IFRD1: variants seen among roughly 807,000 people sequenced by gnomAD.
IFRD1 encodes the protein interferon-related developmental regulator 1.
A neutral mutation model predicts 52.9 loss-of-function variants in IFRD1; 35 were observed. The ratio of observed to expected loss-of-function variants is 0.66; its 90% confidence interval spans 0.51 to 0.88. The LOEUF (loss-of-function observed/expected upper bound fraction) is 0.88, where lower values mean the gene tolerates loss of function less well. Ranked by LOEUF, IFRD1 falls within the 40% of genes least tolerant of loss-of-function variation. The pLI, the probability that IFRD1 is intolerant of heterozygous loss-of-function variation, is 0.00. For synonymous variants in IFRD1, 184 were observed against 188.4 expected, an observed-to-expected ratio of 0.98 and a Z score of 0.19; for missense variants, 517 against 550.8, an observed-to-expected ratio of 0.94 and a Z score of 0.61.
chr7:112,461,079 C>A (rs1416343618), intron 5 of IFRD1, among the ~76,000 whole-genome samples: 1 of 152,098 alleles, frequency 6.6e-6, no homozygotes, highest in African/African-American at 2.4e-5. Context: ...TTGTTTAGCC[C>A]TTCCCCTCCC....
At chr7:112,442,200 T>C (rs1284189192) in intron 1 of IFRD1, among the ~76,000 whole-genome samples, 1 of 152,174 alleles carries the variant, frequency 6.6e-6, no homozygotes, top group Non-Finnish European at 1.5e-5. Flanking sequence ...GGAGGCCTGG[T>C]TGAGTCAGTC....
chr7:112,456,852 A>T, intron 3 of IFRD1, 62 bp from the exon 4 acceptor site: 1 of 1,538,676 alleles, frequency 6.5e-7, no homozygotes, highest in Non-Finnish European at 9.0e-7. Flanking sequence ...ATAAGATTTT[A>T]AAAAGTTATT....
chr7:112,444,605 C>A (rs1034612427), intron 1 of IFRD1, among the ~76,000 whole-genome samples: 1 of 152,098 alleles, frequency 6.6e-6, no homozygotes, highest in Non-Finnish European at 1.5e-5. Flanking sequence ...TCAGAAAAAA[C>A]TTACACTGGC....
chr7:112,452,890 G>A (rs75276788), intron 1 of IFRD1, among the ~76,000 whole-genome samples: 2,291 of 152,336 alleles, frequency 0.015, 59 homozygotes, highest in African/African-American at 0.052. Flanking sequence ...CTTTGGAAGT[G>A]TGTGCTAGAA....
At chr7:112,449,350 T>A (rs993700280), upstream of IFRD1, among the ~76,000 whole-genome samples, 1 of 152,072 alleles carries the variant, frequency 6.6e-6, no homozygotes, top group Non-Finnish European at 1.5e-5. Flanking sequence ...AATAGTACAG[T>A]GAACAAAGGG....
intron 4 of IFRD1, 129 bp downstream of exon 4, chr7:112,457,167 C>A: frequency 4.2e-6 from 4 of 943,014 alleles, no homozygotes; most frequent in Non-Finnish European, 6.7e-6. Context: ...TCAAGGAGTG[C>A]ACCATCTTGT....
intron 5 of IFRD1, among the ~76,000 whole-genome samples, chr7:112,459,976 A>G (rs541114161): frequency 6.6e-6 from 1 of 152,296 alleles, no homozygotes; most frequent in South Asian, 2.1e-4. Flanking sequence ...AGCTTTTGCT[A>G]CTTAACTTTT....
chr7:112,442,110 G>C (rs953200804), intron 1 of IFRD1, among the ~76,000 whole-genome samples: 8 of 152,196 alleles, frequency 5.3e-5, no homozygotes, highest in Admixed American at 3.9e-4. Context: ...TTTGACTCTA[G>C]TTCTGTCTGT....
chr7:112,458,187 A>C (rs1327381387), intron 4 of IFRD1: 1 of 152,150 alleles, frequency 6.6e-6, no homozygotes, highest in Non-Finnish European at 1.5e-5. Flanking sequence ...TCAGGTAATA[A>C]TTTAAGCTCA....
intron 1 of IFRD1, 147 bp from the exon 2 acceptor site, chr7:112,455,616 G>A: frequency 1.5e-6 from 1 of 676,626 alleles, no homozygotes; most frequent in South Asian, 1.6e-5. Context: ...ATTTAAGTAT[G>A]TTCACTTGTG....
intron 1 of IFRD1, among the ~76,000 whole-genome samples, chr7:112,438,684 C>T (rs1475757005): frequency 6.6e-6 from 1 of 152,110 alleles, no homozygotes; most frequent in Admixed American, 6.5e-5. Flanking sequence ...CCAAAAAAGA[C>T]GAGGCTGTGG....
intron 1 of IFRD1, chr7:112,435,621 G>GGGGTGTGTGT (rs1554503431): frequency 1.8e-5 from 2 of 108,840 alleles, no homozygotes; most frequent in South Asian, 3.4e-4. Context: ...ATCTGCTACA[G>GGGGTGTGTGT]GTGTGTGTGT....
At chr7:112,467,402 A>G (rs560895037) in intron 8 of IFRD1, 203 of 153,490 alleles carry the variant, frequency 1.3e-3, no homozygotes, top group Admixed American at 2.6e-3. Flanking sequence ...TGTGACAAGG[A>G]AGCCCATAAT....
At chr7:112,424,848 C>G (rs1328951212) in intron 1 of IFRD1, among the ~76,000 whole-genome samples, 1 of 151,994 alleles carries the variant, frequency 6.6e-6, no homozygotes, top group Non-Finnish European at 1.5e-5. Context: ...AGTTTTATTC[C>G]ATTGTGGTCA....
intron 1 of IFRD1, among the ~76,000 whole-genome samples, chr7:112,434,012 G>C (rs1393307390): frequency 6.6e-6 from 1 of 151,994 alleles, no homozygotes; most frequent in Non-Finnish European, 1.5e-5. Context: ...TTTAGAGACA[G>C]GGTTTCGCCG....
chr7:112,444,673 AAG>A (rs1490279502), intron 1 of IFRD1, among the ~76,000 whole-genome samples: 1 of 152,186 alleles, frequency 6.6e-6, no homozygotes, highest in Non-Finnish European at 1.5e-5. Flanking sequence ...ACTAGGGGTG[AAG>A]AGACTCTAAA....
chr7:112,442,561 C>T (rs772561997), intron 1 of IFRD1, among the ~76,000 whole-genome samples: 11 of 152,156 alleles, frequency 7.2e-5, no homozygotes, highest in East Asian at 3.9e-4. Flanking sequence ...ATGGACTCAC[C>T]GCTTAGGGGT....
At position 112,461,903 on chromosome 7, in the gene IFRD1, C is replaced by G; in HGVS notation, c.605C>G (p.Thr202Arg). 1.9e-6 allele frequency: 3 copies of G among 1,607,140 alleles called. No homozygotes were observed. Among genetic ancestry groups the G allele is most frequent in the Non-Finnish European group, 2.6e-6 (3 of 1,174,618 alleles). Residue 202 changes from threonine (T) to arginine (R), a missense_variant, in exon 6 of 12, where the codon ACA becomes AGA. Transcript: ENST00000403825. ...TTTGGTGTTTGCTGTTTTATTGCCA[C>G]AGATGACATTACTGTAAGTAAAAAA... Reference protein sequence around the residue: ...TCFGVCCFIATDDITELYSTL... With the variant: ...TCFGVCCFIARDDITELYSTL...
At chr7:112,433,593 G>T (rs1354894496) in intron 1 of IFRD1, among the ~76,000 whole-genome samples, 1 of 152,178 alleles carries the variant, frequency 6.6e-6, no homozygotes, top group Non-Finnish European at 1.5e-5. Flanking sequence ...ATCCTGCAAG[G>T]GCAATCTAGT....
Sources: allele counts gnomAD v4.1 joint callset (sites outside exome capture counted in the v4.1 genomes callset), GRCh38; gene constraint gnomAD v4.1.1; transcripts MANE v1.5; gene names NCBI Gene and HGNC (gene_info 2026-07-23, HGNC 2026-07-21).